The following RASGEF1C variants were observed in gnomAD, a reference collection of about 807,000 sequenced individuals.
RASGEF1C encodes ras-GEF domain-containing family member 1C.
RASGEF1C carries 27 observed loss-of-function variants against 58.1 expected under a neutral mutation model. That is an observed-to-expected ratio of 0.46 (90% confidence interval 0.34 to 0.64). RASGEF1C has a LOEUF of 0.64. RASGEF1C is among the 30% of genes least tolerant of loss of function. The pLI is 0.01. For synonymous variants in RASGEF1C, 243 were observed against 246.3 expected (o/e 0.99, Z 0.13); for missense variants, 502 against 605.1 (o/e 0.83, Z 1.79).
rs574883868 is a variant in RASGEF1C, at chr5:180,203,935, G to A, written c.-7+5093C>T. On this transcript the variant is annotated intron_variant, in intron 1 of 13. Transcript: ENST00000361132. ...TTGAACCTGGGAGGCAGAGGTTGGA[G>A]TGAGCCGAGATCATGCCACTGCACT... Among the ~76,000 whole-genome samples, 20 of 152,274 alleles carry A rather than the reference G, an allele frequency of 1.3e-4. No individual in the cohort carries two copies. In the South Asian group the frequency reaches 2.7e-3, roughly 21 times the overall value.
chr5:180,173,647 G>T (rs1372876244), intron 1 of RASGEF1C, among the ~76,000 whole-genome samples: 1 of 152,208 alleles, frequency 6.6e-6, no homozygotes, highest in African/African-American at 2.4e-5. Context: ...GGGCACGGTG[G>T]CTCCCGCCTG....
Position 180,101,438 on chromosome 5 carries a change from G to A in RASGEF1C, c.*63C>T. The A allele has an allele frequency of 1.9e-6, 3 of 1,596,174 alleles. No homozygotes were observed. Among genetic ancestry groups the A allele is most frequent in the Non-Finnish European group, 2.6e-6 (3 of 1,173,990 alleles). ...CCTGGCCTCTGCCCACTGGGCCACT[G>A]AGGCAGGGCTGTGGACGGCTTCTGC... On this transcript the variant is annotated 3_prime_UTR_variant, in exon 14 of 14. Coordinates refer to ENST00000361132, the MANE Select transcript of RASGEF1C (RefSeq NM_175062.4).
rs186996089 is a variant in RASGEF1C, at chr5:180,102,000, G to A, written c.1376+71C>T. On this transcript the variant is annotated intron_variant, in intron 13 of 13. Transcript: ENST00000361132. ...CCAAGCAGTCCCCGGGTCCCACCTC[G>A]GCGCGAAGACTCACCTTAGAGCTTT... 4.0e-3 allele frequency: 3,024 copies of A among 762,632 alleles called. 7 individuals carry two copies. The highest frequency in any genetic ancestry group is 5.1e-3 in the Non-Finnish European group (2,248 of 443,364). 47.2% of individuals were successfully genotyped at this position (762,632 alleles called of 1,614,324 possible). A position where few individuals can be genotyped will look rare whatever the true frequency, so the allele number is the denominator to read the frequency against.
intron 1 of RASGEF1C, among the ~76,000 whole-genome samples, chr5:180,193,148 C>T (rs371639783): frequency 1.7e-4 from 24 of 140,336 alleles, no homozygotes; most frequent in Admixed American, 3.6e-4. Flanking sequence ...CTCCACCTCC[C>T]GGGTTCACAC....
chr5:180,174,549 C>CAT (rs10622846), intron 1 of RASGEF1C, among the ~76,000 whole-genome samples: 55,111 of 145,452 alleles, frequency 0.38, 10,200 homozygotes, highest in African/African-American at 0.44. Flanking sequence ...TGCGTGTGTG[C>CAT]GTGTGTCTGT....
intron 6 of RASGEF1C, among the ~76,000 whole-genome samples, chr5:180,126,296 A>G (rs1382392188): frequency 7.9e-5 from 12 of 152,086 alleles, no homozygotes; most frequent in Non-Finnish European, 1.3e-4. Flanking sequence ...AGTCCCAGCT[A>G]TTGGGGAGGC....
chr5:180,107,425 G>A (rs1765888344), intron 12 of RASGEF1C, among the ~76,000 whole-genome samples: 1 of 151,888 alleles, frequency 6.6e-6, no homozygotes. Context: ...ATTCCTGAAG[G>A]ATGTTTTCAC....
intron 1 of RASGEF1C, among the ~76,000 whole-genome samples, chr5:180,195,028 G>C (rs1266868902): frequency 6.6e-6 from 1 of 152,244 alleles, no homozygotes; most frequent in Non-Finnish European, 1.5e-5. Context: ...CTGCCTGCAG[G>C]ATGGCGACCA....
chr5:180,124,125 G>A (rs981880513), intron 6 of RASGEF1C, among the ~76,000 whole-genome samples: 29 of 152,066 alleles, frequency 1.9e-4, no homozygotes, highest in Middle Eastern at 3.4e-3. Context: ...GAAAATACTC[G>A]GGAGGCTGAG....
intron 1 of RASGEF1C, among the ~76,000 whole-genome samples, chr5:180,152,190 A>G (rs1766756536): frequency 6.6e-6 from 1 of 151,958 alleles, no homozygotes; most frequent in Admixed American, 6.6e-5. Flanking sequence ...AACTAGAAAT[A>G]CCATTTGACC....
chr5:180,175,857 G>C (rs373584113), intron 1 of RASGEF1C, among the ~76,000 whole-genome samples: 1 of 152,180 alleles, frequency 6.6e-6, no homozygotes, highest in African/African-American at 2.4e-5. Flanking sequence ...GCGCAGTGGC[G>C]GGCGCCTGTA....
rs1046642976 is a variant in RASGEF1C, at chr5:180,168,170, C to A, written c.-6-30112G>T. On this transcript the variant is annotated intron_variant, in intron 1 of 13. Transcript: ENST00000361132. The surrounding 1 kb of genome is among the most constrained non-coding windows in gnomAD (Gnocchi z 6.0). The stretch of plus-strand genomic sequence containing the variant: ...AAAAGGCCAGGCGCAGTGGCTCACA[C>A]CTGTAATCCCAGCACTTTGGGAGGC... 1.3e-5 allele frequency among the ~76,000 whole-genome samples: 2 copies of A among 152,170 alleles called. No individual in the cohort carries two copies. The highest frequency in any genetic ancestry group is 4.8e-5 in the African/African-American group (2 of 41,426).
At chr5:180,111,602 A>G (rs1400414967) in intron 11 of RASGEF1C, 22 bp from the exon 12 acceptor site, 1 of 1,614,018 alleles carries the variant, frequency 6.2e-7, no homozygotes, top group Admixed American at 1.7e-5. Context: ...ACAGAGACAC[A>G]GAATGGAGGC....
intron 1 of RASGEF1C, among the ~76,000 whole-genome samples, chr5:180,144,881 T>TTA (rs1172597847): frequency 1.3e-5 from 2 of 152,190 alleles, no homozygotes; most frequent in Non-Finnish European, 2.9e-5. Flanking sequence ...TCTGGGTACC[T>TTA]TATATAAGTG....
intron 1 of RASGEF1C, among the ~76,000 whole-genome samples, chr5:180,193,180 C>T (rs1447077472): frequency 2.2e-5 from 3 of 137,028 alleles, no homozygotes; most frequent in South Asian, 2.7e-4. Context: ...CTCAGCCTCC[C>T]GAGTAGCTGG....
intron 1 of RASGEF1C, among the ~76,000 whole-genome samples, chr5:180,207,389 A>G (rs1302535072): frequency 6.6e-6 from 1 of 152,200 alleles, no homozygotes; most frequent in Non-Finnish European, 1.5e-5. Context: ...TGCACGCCCC[A>G]CACTAAGCCC....
At chr5:180,147,641 C>T (rs756050724) in intron 1 of RASGEF1C, among the ~76,000 whole-genome samples, 3 of 152,082 alleles carry the variant, frequency 2.0e-5, no homozygotes, top group Admixed American at 6.6e-5. Context: ...CTAATTTCAT[C>T]CTGTCATAGT....
chr5:180,174,331 T>G (rs1327944748), intron 1 of RASGEF1C, among the ~76,000 whole-genome samples: 1 of 152,106 alleles, frequency 6.6e-6, no homozygotes, highest in African/African-American at 2.4e-5. Context: ...AAACATACTG[T>G]TTTCTCTGGC....
At chr5:180,145,754 G>T (rs562105599) in intron 1 of RASGEF1C, among the ~76,000 whole-genome samples, 2 of 152,186 alleles carry the variant, frequency 1.3e-5, no homozygotes, top group African/African-American at 2.4e-5. Flanking sequence ...AAGCCGTGGC[G>T]TTTCAAGACC....
Sources: allele counts gnomAD v4.1 joint callset (sites outside exome capture counted in the v4.1 genomes callset), GRCh38; gene constraint gnomAD v4.1.1; non-coding constraint Gnocchi (gnomAD v3.1); transcripts MANE v1.5; gene names NCBI Gene and HGNC (gene_info 2026-07-23, HGNC 2026-07-21).